NDUFS6: variants seen among roughly 807,000 people sequenced by gnomAD.
The protein encoded by NDUFS6 is NADH dehydrogenase [ubiquinone] iron-sulfur protein 6, mitochondrial.
NDUFS6 carries 14 observed loss-of-function variants against 13.2 expected under a neutral mutation model. That is an observed-to-expected ratio of 1.06 (90% confidence interval 0.70 to 1.66). The LOEUF (loss-of-function observed/expected upper bound fraction) is 1.66, where lower values mean the gene tolerates loss of function less well. NDUFS6 is among the 40% of genes most tolerant of loss of function. NDUFS6 has a pLI of 0.00. For synonymous variants in NDUFS6, 95 were observed against 72.3 expected, an observed-to-expected ratio of 1.31 and a Z score of -1.60; for missense variants, 206 against 170.8, an observed-to-expected ratio of 1.21 and a Z score of -1.15.
chr5:1,801,947 T>C (rs1307282657), intron 1 of NDUFS6, among the ~76,000 whole-genome samples: 1 of 152,178 alleles, frequency 6.6e-6, no homozygotes, highest in African/African-American at 2.4e-5. Context: ...TAAGCCAAAA[T>C]GAAGAACAAA....
chr5:1,807,074 C>G (rs185515624), intron 2 of NDUFS6, among the ~76,000 whole-genome samples: 1 of 152,088 alleles, frequency 6.6e-6, no homozygotes, highest in East Asian at 1.9e-4. Context: ...TCCTCTAACA[C>G]GAGGGACCAG....
At position 1,814,338 on chromosome 5, in the gene NDUFS6, G is replaced by C; in HGVS notation, c.187-1G>C. The C allele has an allele frequency of 1.9e-6, 3 of 1,614,236 alleles. No homozygotes were observed. Among genetic ancestry groups the C allele is most frequent in the Non-Finnish European group, 1.7e-6 (2 of 1,180,048 alleles). On this transcript the variant is annotated splice_acceptor_variant, in intron 2 of 3. Transcript: ENST00000274137. LOFTEE classifies it high-confidence loss of function. This position sits in a 1 kb window ranked among gnomAD's most constrained non-coding sequence, Gnocchi z 4.9. ...TACGTAAGTCTTTCTTCTTGTTCCA[G>C]GTGAATGAAAACTTTGCCATTGATT... is the stretch of plus-strand genomic sequence containing the variant.
chr5:1,812,853 G>C (rs1330443546), intron 2 of NDUFS6, among the ~76,000 whole-genome samples: 1 of 151,898 alleles, frequency 6.6e-6, no homozygotes, highest in Non-Finnish European at 1.5e-5. Flanking sequence ...AGGAGTTCGA[G>C]ACCAGCCTGA....
chr5:1,809,742 G>A (rs1734189337), intron 2 of NDUFS6, among the ~76,000 whole-genome samples: 1 of 152,224 alleles, frequency 6.6e-6, no homozygotes, highest in Non-Finnish European at 1.5e-5. Context: ...ACACCATAAG[G>A]CTTAATTTGT....
At position 1,814,416 on chromosome 5, in the gene NDUFS6, T is replaced by C. The variant is rs1257260011; in HGVS notation, c.264T>C (p.Asp88=). 1.2e-6 allele frequency: 2 copies of C among 1,614,014 alleles called. No homozygotes were observed. The highest frequency in any genetic ancestry group is 2.7e-5 in the African/African-American group (2 of 74,898). Residue 88 remains aspartate, a synonymous_variant, in exon 3 of 4, where the codon GAT becomes GAC. Transcript: ENST00000274137. The surrounding 1 kb of genome is among the most constrained non-coding windows in gnomAD (Gnocchi z 4.9). ...TGGAGACTCGGGTGATAGCGTGCGA[T>C]GGCGGCGGGGGAGCTCTTGGCCACC... ...SEVETRVIAC[D]GGGGALGHPK...
At chr5:1,809,108 A>G (rs1255619334) in intron 2 of NDUFS6, among the ~76,000 whole-genome samples, 1 of 152,202 alleles carries the variant, frequency 6.6e-6, no homozygotes, top group African/African-American at 2.4e-5. Flanking sequence ...ATTTAAACCT[A>G]CATATCTTTA....
rs1231942146 is a variant in NDUFS6, at chr5:1,807,138, T to TACTCAGAGGTACTGCGTGAGGA, written c.186+4785_186+4786insAACTCAGAGGTACTGCGTGAGG. 6.6e-5 allele frequency among the ~76,000 whole-genome samples: 10 copies of TACTCAGAGGTACTGCGTGAGGA among 152,026 alleles called. 1 individual carries two copies. The highest frequency in any genetic ancestry group is 6.5e-4 in the Admixed American group (10 of 15,270). ...AGGTACTCAGAGGTACTGCGTGAGG[T>TACTCAGAGGTACTGCGTGAGGA]ACTCAGAGGTACTGCGTGAGGTACT... On this transcript the variant is annotated intron_variant, in intron 2 of 3. Transcript: ENST00000274137.
At chr5:1,813,583 C>T (rs1157913774) in intron 2 of NDUFS6, among the ~76,000 whole-genome samples, 1 of 152,142 alleles carries the variant, frequency 6.6e-6, no homozygotes, top group African/African-American at 2.4e-5. Flanking sequence ...CCTCCTTCAC[C>T]CCATCGCGGT....
chr5:1,805,467 G>T (rs896745772), intron 2 of NDUFS6, among the ~76,000 whole-genome samples: 1 of 152,328 alleles, frequency 6.6e-6, no homozygotes, highest in East Asian at 1.9e-4. Flanking sequence ...AGCTTTGACC[G>T]GGGGTACCTT....
chr5:1,801,534 C>T lies in NDUFS6; in HGVS notation c.117C>T (p.Val39=). Reference sequence around the variant, plus strand: ...GGGTCTCGCCGACCGGGGAGAAGGTCACGCACACTGGCCAGGTAACGGCCG... The same window carrying T: ...GGGTCTCGCCGACCGGGGAGAAGGTTACGCACACTGGCCAGGTAACGGCCG... ...GVRVSPTGEK[V]THTGQVYDDK... The change falls in exon 1 of 4, where the codon GTC becomes GTT. Residue 39 remains valine, a synonymous_variant. Coordinates refer to ENST00000274137, the MANE Select transcript of NDUFS6 (RefSeq NM_004553.6). The T allele has an allele frequency of 6.3e-7, 1 of 1,591,362 alleles. No individual in the cohort carries two copies. Among genetic ancestry groups the T allele is most frequent in the Non-Finnish European group, 8.5e-7 (1 of 1,175,726 alleles).
chr5:1,809,295 G>T (rs548617370), intron 2 of NDUFS6, among the ~76,000 whole-genome samples: 4 of 152,166 alleles, frequency 2.6e-5, no homozygotes, highest in African/African-American at 7.2e-5. Context: ...TGATTCCCTC[G>T]TGAAGTGCAG....
chr5:1,805,085 C>T (rs1561103821), intron 2 of NDUFS6, among the ~76,000 whole-genome samples: 2 of 152,232 alleles, frequency 1.3e-5, no homozygotes. Flanking sequence ...CATCCCAACA[C>T]TTCGGGAGGC....
At chr5:1,810,363 C>T (rs552675894) in intron 2 of NDUFS6, among the ~76,000 whole-genome samples, 54 of 152,290 alleles carry the variant, frequency 3.5e-4, no homozygotes, top group African/African-American at 1.2e-3. Context: ...TGAGTTCCTT[C>T]CCTCTACATG....
chr5:1,815,255 G>A (rs1044980414), intron 3 of NDUFS6, among the ~76,000 whole-genome samples: 4 of 151,978 alleles, frequency 2.6e-5, no homozygotes, highest in Non-Finnish European at 5.9e-5. Context: ...TCAGGGACTC[G>A]GGCGGCTGCT....
intron 2 of NDUFS6, among the ~76,000 whole-genome samples, chr5:1,807,107 T>TGCATGAG (rs1346965973): frequency 6.6e-6 from 1 of 152,128 alleles, no homozygotes; most frequent in Admixed American, 6.5e-5. Flanking sequence ...TTAGAAGTAC[T>TGCATGAG]GTATGAGGTA....
At chr5:1,815,369 G>A (rs2111364081) in intron 3 of NDUFS6, among the ~76,000 whole-genome samples, 1 of 152,338 alleles carries the variant, frequency 6.6e-6, no homozygotes, top group South Asian at 2.1e-4. Context: ...TCCTGGTTAA[G>A]GGACTTTAAC....
intron 2 of NDUFS6, among the ~76,000 whole-genome samples, chr5:1,809,595 A>G (rs1734186678): frequency 6.6e-6 from 1 of 152,248 alleles, no homozygotes; most frequent in African/African-American, 2.4e-5. Context: ...ATCCCGCGTC[A>G]GTCGCCAGTG....
rs889774038 is a variant in NDUFS6 at position 1,814,021 on chromosome 5, C to T, written c.187-318C>T. Among the ~76,000 whole-genome samples the T allele has an allele frequency of 2.0e-5, 3 of 152,136 alleles. No individual in the cohort carries two copies. Among genetic ancestry groups the T allele is most frequent in the Non-Finnish European group, 2.9e-5 (2 of 68,040 alleles). On this transcript the variant is annotated intron_variant, in intron 2 of 3. Transcript: ENST00000274137. The surrounding 1 kb of genome is among the most constrained non-coding windows in gnomAD (Gnocchi z 4.9). ...ACAAATGTCCTCAGGTGGGACAGAA[C>T]GATGTGGTGGGGAGAAGAGGGCGTG...
At position 1,802,210 on chromosome 5, in the gene NDUFS6, A is replaced by G. The variant is rs1435419237; in HGVS notation, c.133-111A>G. ...CTGTGCACTTGTTTGACTTTTCATC[A>G]ATGGCCTAAAAGTTAAGAAAAACAC... On this transcript the variant is annotated intron_variant, in intron 1 of 3. Coordinates refer to ENST00000274137, the MANE Select transcript of NDUFS6 (RefSeq NM_004553.6). 3 of 1,022,544 alleles carry G rather than the reference A, an allele frequency of 2.9e-6. No individual in the cohort carries two copies. The African/African-American group carries it at 4.8e-5, about 16-fold the overall frequency. 63.3% of individuals were successfully genotyped at this position (1,022,544 alleles called of 1,614,324 possible). A position where few individuals can be genotyped will look rare whatever the true frequency, so the allele number is the denominator to read the frequency against.
Sources: allele counts gnomAD v4.1 joint callset (sites outside exome capture counted in the v4.1 genomes callset), GRCh38; gene constraint gnomAD v4.1.1; non-coding constraint Gnocchi (gnomAD v3.1); transcripts MANE v1.5; gene names NCBI Gene and HGNC (gene_info 2026-07-23, HGNC 2026-07-21).